The following CALCR variants were observed in gnomAD, a reference collection of about 807,000 sequenced individuals.
CALCR encodes the protein calcitonin receptor.
Under a neutral mutation model 59.5 loss-of-function variants are expected in CALCR, and 47 were observed. That is an observed-to-expected ratio of 0.79 (90% confidence interval 0.63 to 1.01). CALCR has a LOEUF of 1.01. CALCR is among the 50% of genes least tolerant of loss of function. The pLI is 0.00. For synonymous variants in CALCR, 213 were observed against 211.3 expected, an observed-to-expected ratio of 1.01 and a Z score of -0.07; for missense variants, 566 against 597.1, an observed-to-expected ratio of 0.95 and a Z score of 0.54.
At chr7:93,503,302 C>T (rs1461517324) in intron 2 of CALCR, among the ~76,000 whole-genome samples, 1 of 152,084 alleles carries the variant, frequency 6.6e-6, no homozygotes, top group Non-Finnish European at 1.5e-5. Flanking sequence ...TAAGACATAA[C>T]TACTCACACC....
At chr7:93,561,321 G>A in intron 2 of CALCR, among the ~76,000 whole-genome samples, 1 of 151,854 alleles carries the variant, frequency 6.6e-6, no homozygotes, top group East Asian at 1.9e-4. Flanking sequence ...CTGCATCCTT[G>A]AAAATTCTTT....
At chr7:93,462,804 T>C (rs989617123) in intron 7 of CALCR, among the ~76,000 whole-genome samples, 1 of 151,998 alleles carries the variant, frequency 6.6e-6, no homozygotes, top group African/African-American at 2.4e-5. Flanking sequence ...GAATAAAATA[T>C]ACTTCCTCTA....
intron 13 of CALCR, among the ~76,000 whole-genome samples, chr7:93,429,942 G>GT (rs372794402): frequency 0.25 from 23,271 of 91,814 alleles, 2,331 homozygotes; most frequent in East Asian, 0.42. Flanking sequence ...TTGTTTTTTT[G>GT]TTTTTTTTTG....
intron 2 of CALCR, among the ~76,000 whole-genome samples, chr7:93,533,137 T>G (rs1468347405): frequency 6.6e-6 from 1 of 151,958 alleles, no homozygotes; most frequent in Non-Finnish European, 1.5e-5. Context: ...TTGTTCAACT[T>G]CATTTTATTA....
intron 2 of CALCR, among the ~76,000 whole-genome samples, chr7:93,520,665 T>A (rs1051064523): frequency 3.9e-5 from 6 of 152,156 alleles, no homozygotes; most frequent in Non-Finnish European, 5.9e-5. Context: ...TTAGCTTATT[T>A]ACCTTGGAGA....
At chr7:93,468,830 A>ACAAACAAACAAG (rs1035470841) in intron 6 of CALCR, 24 bp from the exon 7 acceptor site, 1 of 1,272,336 alleles carries the variant, frequency 7.9e-7, no homozygotes, top group African/African-American at 1.5e-5. Flanking sequence ...AAGTAAACAA[A>ACAAACAAACAAG]CAAACAATGA....
chr7:93,548,205 A>C (rs977257799), intron 2 of CALCR, among the ~76,000 whole-genome samples: 18 of 152,192 alleles, frequency 1.2e-4, no homozygotes, highest in African/African-American at 4.3e-4. Flanking sequence ...ACTTTACAAA[A>C]GAACAAACAA....
intron 2 of CALCR, 45 bp from the exon 3 acceptor site, chr7:93,487,052 T>G: frequency 1.1e-5 from 11 of 961,828 alleles, no homozygotes; most frequent in African/African-American, 1.7e-5. Flanking sequence ...AATATATCTC[T>G]AATATTGGCT....
At chr7:93,518,529 T>A (rs1016735298) in intron 2 of CALCR, among the ~76,000 whole-genome samples, 6 of 152,048 alleles carry the variant, frequency 3.9e-5, no homozygotes, top group African/African-American at 1.4e-4. Context: ...TTGGTATTTA[T>A]ATGAAGAAAA....
chr7:93,456,418 C>A (rs1342557331), intron 8 of CALCR, among the ~76,000 whole-genome samples: 1 of 151,374 alleles, frequency 6.6e-6, no homozygotes, highest in African/African-American at 2.4e-5. Flanking sequence ...AAGTTTTTTG[C>A]CTCTTTGTTT....
intron 2 of CALCR, among the ~76,000 whole-genome samples, chr7:93,526,828 T>G (rs1381363028): frequency 2.6e-5 from 4 of 152,054 alleles, no homozygotes; most frequent in African/African-American, 9.7e-5. Flanking sequence ...ACATTTTCTT[T>G]TAAAGGAGAG....
chr7:93,568,509 T>TTC (rs4015269), intron 2 of CALCR, among the ~76,000 whole-genome samples: 7,410 of 101,922 alleles, frequency 0.073, 627 homozygotes, highest in Non-Finnish European at 0.094. Flanking sequence ...TAAAATTACT[T>TTC]TCTCTCTCTC....
At chr7:93,516,543 G>T (rs538249465) in intron 2 of CALCR, among the ~76,000 whole-genome samples, 1 of 151,796 alleles carries the variant, frequency 6.6e-6, no homozygotes, top group Non-Finnish European at 1.5e-5. Context: ...AGAGAATTCA[G>T]TATCATGAAA....
rs142475825 is a variant in CALCR at position 93,472,178 on chromosome 7, T to C, written c.429+197A>G. Among the ~76,000 whole-genome samples, 104 of 151,952 alleles carry C rather than the reference T, an allele frequency of 6.8e-4. 1 individual carries two copies. Among genetic ancestry groups the C allele is most frequent in the East Asian group, 1.8e-3 (9 of 5,142 alleles). On this transcript the variant is annotated intron_variant, in intron 6 of 13. Transcript: ENST00000426151. ...CGGAACTTCAATTGACTCTTGACTCTGAGTGCCAACCAAGAAGTGAAATGT... is the reference window on the plus strand; with the variant it reads ...CGGAACTTCAATTGACTCTTGACTCCGAGTGCCAACCAAGAAGTGAAATGT...
Position 93,455,611 on chromosome 7 carries a change from C to T in CALCR, c.648+5210G>A, listed in dbSNP as rs1172098606. ...TGACATGATTCTCAGCCTTTGGATA[C>T]TATTTTGCCTGTATCCTTAGAAGTG... On this transcript the variant is annotated intron_variant, in intron 8 of 13. Transcript: ENST00000426151. Among the ~76,000 whole-genome samples, 3 of 151,964 alleles carry T rather than the reference C, an allele frequency of 2.0e-5. No homozygotes were observed. The East Asian group carries it at 5.8e-4, about 29-fold the overall frequency.
intron 2 of CALCR, among the ~76,000 whole-genome samples, chr7:93,524,179 T>G (rs1801824853): frequency 6.6e-6 from 1 of 150,976 alleles, no homozygotes; most frequent in African/African-American, 2.4e-5. Flanking sequence ...TTTTTCTTTT[T>G]TTTTTTTTTG....
At chr7:93,465,815 A>G (rs1800429627) in intron 7 of CALCR, among the ~76,000 whole-genome samples, 2 of 151,958 alleles carry the variant, frequency 1.3e-5, no homozygotes, top group Admixed American at 6.6e-5. Flanking sequence ...AAATTACATT[A>G]AGATTAAAGG....
intron 2 of CALCR, among the ~76,000 whole-genome samples, chr7:93,511,617 A>T (rs1801548190): frequency 1.3e-5 from 2 of 152,192 alleles, no homozygotes; most frequent in Admixed American, 6.5e-5. Context: ...TAGGAAAAAA[A>T]AATAGCAGAT....
Position 93,438,197 on chromosome 7 carries a change from C to T in CALCR, c.863+13G>A, listed in dbSNP as rs1799823233. The T allele has an allele frequency of 6.2e-7, 1 of 1,611,558 alleles. No homozygotes were observed. Among genetic ancestry groups the T allele is most frequent in the African/African-American group, 1.3e-5 (1 of 74,974 alleles). ...TATGAATATGTTAACTTAAACATCA[C>T]CATAATACTTACTTGTCATTGAAGT... On this transcript the variant is annotated intron_variant, in intron 10 of 13. Transcript: ENST00000426151.
Sources: gnomAD v4.1 joint callset for allele counts (sites outside exome capture counted in the v4.1 genomes callset) on GRCh38, gnomAD v4.1.1 for gene constraint, MANE v1.5 for transcripts, NCBI Gene and HGNC (gene_info 2026-07-23, HGNC 2026-07-21) for gene names.